Variants in SPIDR observed in about 807,000 individuals in gnomAD.
SPIDR encodes scaffold protein involved in DNA repair.
Under a neutral mutation model 104.6 loss-of-function variants are expected in SPIDR, and 93 were observed. The ratio of observed to expected loss-of-function variants is 0.89; its 90% CI spans 0.75 to 1.06. SPIDR has a LOEUF of 1.06. Ranked by LOEUF, SPIDR falls within the 50% of genes least tolerant of loss-of-function variation. The probability of loss-of-function intolerance (pLI) is 0.00; values close to 1 mark genes in which losing one functional copy is unlikely to be tolerated. For synonymous variants in SPIDR, 431 were observed against 416.9 expected (o/e 1.03, Z -0.41); for missense variants, 1,154 against 1,111.2 (o/e 1.04, Z -0.55).
At chr8:47,517,646 C>G (rs1244738888) in intron 8 of SPIDR, among the ~76,000 whole-genome samples, 3 of 152,108 alleles carry the variant, frequency 2.0e-5, no homozygotes, top group Non-Finnish European at 4.4e-5. Context: ...TACTTTTAAC[C>G]TAAAGCTATC....
chr8:47,316,886 T>G (rs1238973717), intron 5 of SPIDR, among the ~76,000 whole-genome samples: 3 of 152,194 alleles, frequency 2.0e-5, no homozygotes, highest in Non-Finnish European at 4.4e-5. Context: ...TGAATTCTTG[T>G]TATTGATGTT....
intron 8 of SPIDR, among the ~76,000 whole-genome samples, chr8:47,535,103 G>A (rs529197327): frequency 6.6e-6 from 1 of 152,238 alleles, no homozygotes; most frequent in South Asian, 2.1e-4. Context: ...AGGAGAAACA[G>A]ATAATCTGAA....
chr8:47,734,497 C>T (rs2085844936), intron 19 of SPIDR, among the ~76,000 whole-genome samples: 1 of 152,140 alleles, frequency 6.6e-6, no homozygotes, highest in Non-Finnish European at 1.5e-5. Flanking sequence ...TTAATAGACA[C>T]CAAACAGAAC....
chr8:47,589,030 T>G (rs955746022), intron 8 of SPIDR, among the ~76,000 whole-genome samples: 37 of 149,052 alleles, frequency 2.5e-4, no homozygotes, highest in African/African-American at 5.9e-4. Context: ...TTGTTTTTTT[T>G]TTTTTTTTTT....
intron 10 of SPIDR, among the ~76,000 whole-genome samples, chr8:47,654,545 T>G (rs1792316662): frequency 6.6e-6 from 1 of 152,160 alleles, no homozygotes; most frequent in Non-Finnish European, 1.5e-5. Context: ...TTGGCCTAAA[T>G]AAATGCAGCA....
chr8:47,598,832 C>A, intron 9 of SPIDR, 114 bp from the exon 10 acceptor site: 1 of 1,324,138 alleles, frequency 7.6e-7, no homozygotes, highest in South Asian at 1.3e-5. Context: ...TAGTGCAGAT[C>A]CATTGGGTGG....
intron 16 of SPIDR, among the ~76,000 whole-genome samples, chr8:47,717,100 G>A (rs1171210675): frequency 2.0e-5 from 3 of 152,152 alleles, no homozygotes; most frequent in Non-Finnish European, 4.4e-5. Flanking sequence ...CCGGCTACAG[G>A]GACAGGGCAT....
intron 10 of SPIDR, among the ~76,000 whole-genome samples, chr8:47,643,835 A>C (rs2069673886): frequency 6.6e-6 from 1 of 152,234 alleles, no homozygotes; most frequent in Admixed American, 6.5e-5. Context: ...TGCCCTCATG[A>C]AATAGAAATT....
intron 8 of SPIDR, among the ~76,000 whole-genome samples, chr8:47,448,012 T>C (rs1563999847): frequency 6.6e-6 from 1 of 152,254 alleles, no homozygotes; most frequent in Non-Finnish European, 1.5e-5. Context: ...ACTTGCTTTA[T>C]TGTGATAATA....
chr8:47,345,506 A>G (rs1028854244), intron 5 of SPIDR, among the ~76,000 whole-genome samples: 1 of 152,160 alleles, frequency 6.6e-6, no homozygotes, highest in Non-Finnish European at 1.5e-5. Flanking sequence ...GAAGAAAGTC[A>G]TTGGTAGCTT....
intron 5 of SPIDR, among the ~76,000 whole-genome samples, chr8:47,344,125 C>A (rs188468397): frequency 2.8e-5 from 4 of 141,228 alleles, no homozygotes; most frequent in Non-Finnish European, 4.6e-5. Context: ...CCCCTCCCCC[C>A]ACCCCACGAC....
chr8:47,319,568 T>C (rs1222654621), intron 5 of SPIDR, among the ~76,000 whole-genome samples: 10 of 152,262 alleles, frequency 6.6e-5, no homozygotes, highest in Non-Finnish European at 7.4e-5. Flanking sequence ...TATCCAGGTA[T>C]TGTACTCAAC....
intron 8 of SPIDR, among the ~76,000 whole-genome samples, chr8:47,583,531 G>A (rs2059960631): frequency 1.3e-5 from 2 of 152,116 alleles, no homozygotes; most frequent in African/African-American, 4.8e-5. Context: ...GTGACAATGA[G>A]ATCTGTAGAG....
At chr8:47,647,616 A>AAGAGAGAGAGAGAGAGAGAGAGAGAG (rs369414271) in intron 10 of SPIDR, among the ~76,000 whole-genome samples, 91 of 60,422 alleles carry the variant, frequency 1.5e-3, no homozygotes, top group East Asian at 2.1e-3. Flanking sequence ...TCCATCTCGA[A>AAGAGAGAGAGAGAGAGAGAGAGAGAG]AGAGAGAGAG....
chr8:47,356,616 C>CA (rs1374566282), intron 5 of SPIDR, among the ~76,000 whole-genome samples: 1 of 152,170 alleles, frequency 6.6e-6, no homozygotes, highest in African/African-American at 2.4e-5. Context: ...TGCTCATTAA[C>CA]AAAGCTGAAG....
intron 16 of SPIDR, among the ~76,000 whole-genome samples, chr8:47,719,683 A>G (rs1414787220): frequency 1.3e-5 from 2 of 151,856 alleles, no homozygotes; most frequent in African/African-American, 4.8e-5. Flanking sequence ...AGGGGTTCCT[A>G]CTCCTGGGAA....
At chr8:47,365,575 T>C (rs1554633966) in intron 5 of SPIDR, among the ~76,000 whole-genome samples, 1 of 152,248 alleles carries the variant, frequency 6.6e-6, no homozygotes, top group Non-Finnish European at 1.5e-5. Flanking sequence ...CTTTTGCATG[T>C]GAAAATGCAC....
intron 5 of SPIDR, among the ~76,000 whole-genome samples, chr8:47,371,610 C>G (rs117724122): frequency 0.026 from 3,997 of 152,214 alleles, 291 homozygotes; most frequent in Admixed American, 0.15. Flanking sequence ...TCCCAAAGGC[C>G]TCACCTCCAC....
At chr8:47,375,351 C>T (rs927393572) in intron 5 of SPIDR, among the ~76,000 whole-genome samples, 2 of 142,482 alleles carry the variant, frequency 1.4e-5, no homozygotes, top group Non-Finnish European at 3.0e-5. Context: ...AAGCAGTTCT[C>T]CTGCTTCAAC....
Sources: allele counts gnomAD v4.1 joint callset (sites outside exome capture counted in the v4.1 genomes callset), GRCh38; gene constraint gnomAD v4.1.1; transcripts MANE v1.5; gene names NCBI Gene and HGNC (gene_info 2026-07-23, HGNC 2026-07-21).